Variants in FMN1 observed in about 807,000 individuals in gnomAD.
FMN1 encodes the protein formin-1.
A neutral mutation model predicts 132.4 loss-of-function variants in FMN1; 110 were observed. The ratio of observed to expected loss-of-function variants is 0.83; its 90% CI spans 0.71 to 0.97. FMN1 has a LOEUF of 0.97. Among genes scored for constraint, FMN1 ranks in the 50% least tolerant of loss-of-function variants. The pLI is 0.00. For synonymous variants in FMN1, 722 were observed against 651.7 expected (o/e 1.11, Z -1.64); for missense variants, 1,792 against 1,705.3 (o/e 1.05, Z -0.90).
intron 4 of FMN1, among the ~76,000 whole-genome samples, chr15:33,115,708 C>G (rs998129583): frequency 6.6e-6 from 1 of 152,092 alleles, no homozygotes; most frequent in African/African-American, 2.4e-5. Flanking sequence ...TCTTCCTCAC[C>G]CTTCCTGCCT....
chr15:33,000,524 C>G (rs1360321166), intron 7 of FMN1, among the ~76,000 whole-genome samples: 1 of 151,098 alleles, frequency 6.6e-6, no homozygotes, highest in East Asian at 1.9e-4. Flanking sequence ...CACCTGTAAC[C>G]CCAACATTTG....
chr15:32,967,930 C>T (rs2140642695), intron 8 of FMN1, among the ~76,000 whole-genome samples: 1 of 152,358 alleles, frequency 6.6e-6, no homozygotes, highest in South Asian at 2.1e-4. Context: ...GGTCAAGAGA[C>T]AACTTAAGAT....
At chr15:33,000,725 A>G (rs2034053889) in intron 7 of FMN1, among the ~76,000 whole-genome samples, 1 of 152,206 alleles carries the variant, frequency 6.6e-6, no homozygotes, top group African/African-American at 2.4e-5. Flanking sequence ...ATCCCAAACA[A>G]TGGGTTTCTT....
At chr15:32,900,867 G>C (rs1166416172) in intron 13 of FMN1, among the ~76,000 whole-genome samples, 1 of 152,012 alleles carries the variant, frequency 6.6e-6, no homozygotes, top group Non-Finnish European at 1.5e-5. Context: ...GGTAAAAAAA[G>C]TAATGGCTGG....
At chr15:33,178,106 T>C (rs958980620) in intron 3 of FMN1, among the ~76,000 whole-genome samples, 4 of 152,228 alleles carry the variant, frequency 2.6e-5, no homozygotes, top group African/African-American at 9.6e-5. Context: ...AAATGAAGTG[T>C]CAAAAATAAG....
chr15:32,992,813 G>A (rs1354610302), intron 7 of FMN1, among the ~76,000 whole-genome samples: 3 of 152,088 alleles, frequency 2.0e-5, no homozygotes, highest in Admixed American at 6.6e-5. Flanking sequence ...AATCAATAGT[G>A]GGTCATAAAA....
At chr15:33,043,791 T>C (rs1228682833) in intron 6 of FMN1, among the ~76,000 whole-genome samples, 1 of 152,164 alleles carries the variant, frequency 6.6e-6, no homozygotes, top group Non-Finnish European at 1.5e-5. Context: ...CCACCCCTTC[T>C]AAGTTGGCAG....
In FMN1 at chr15:32,769,520, G is replaced by A. The variant is rs1372627838; in HGVS notation, c.*4790C>T. 6.6e-6 allele frequency: 1 copy of A among 152,194 alleles called. No homozygotes were observed. The highest frequency in any genetic ancestry group is 1.5e-5 in the Non-Finnish European group (1 of 68,042). The allele number at this position is 152,194 out of a possible 1,614,324, so 9.4% of individuals were successfully genotyped here. Reference sequence around the variant, plus strand: ...TGGATTCAATTGCTAATGGAGAGATGAATATCATTATGTAAGTCTAAAGAA... The same window carrying A: ...TGGATTCAATTGCTAATGGAGAGATAAATATCATTATGTAAGTCTAAAGAA... On this transcript the variant is annotated 3_prime_UTR_variant, in exon 21 of 21. Coordinates refer to ENST00000616417, the MANE Select transcript of FMN1 (RefSeq NM_001277313.2).
intron 4 of FMN1, among the ~76,000 whole-genome samples, chr15:33,126,577 C>A (rs991190254): frequency 6.6e-6 from 1 of 151,988 alleles, no homozygotes; most frequent in Non-Finnish European, 1.5e-5. Context: ...CTTAGCACTT[C>A]TGCCCATTCT....
At chr15:32,988,111 G>C (rs1026772305) in intron 7 of FMN1, among the ~76,000 whole-genome samples, 4 of 143,322 alleles carry the variant, frequency 2.8e-5, no homozygotes, top group African/African-American at 1.0e-4. Flanking sequence ...CAGGGAGTGA[G>C]TGATGCTGTT....
Position 32,857,090 on chromosome 15 carries a change from C to A in FMN1, c.3853G>T (p.Val1285Leu). The change falls in exon 17 of 21, where the codon GTG becomes TTG. Residue 1285 changes from valine to leucine, a missense_variant. By Grantham distance (32) the Val-to-Leu change is conservative. Coordinates refer to ENST00000616417, the MANE Select transcript of FMN1 (RefSeq NM_001277313.2). Reference sequence around the variant, plus strand: ...TTTGGGGACTCCTTGCACACCACCACCATCTGTTTCTCACTTGCTGTGAAG... The same window carrying A: ...TTTGGGGACTCCTTGCACACCACCAACATCTGTTTCTCACTTGCTGTGAAG... The part of the protein sequence containing the change: ...RQLEASEKQM[V>L]VVCKESPKEY... The A allele has an allele frequency of 6.2e-7, 1 of 1,613,484 alleles. No individual in the cohort carries two copies. The highest frequency in any genetic ancestry group is 8.5e-7 in the Non-Finnish European group (1 of 1,179,410).
At chr15:33,010,775 G>C (rs2034670985) in intron 6 of FMN1, among the ~76,000 whole-genome samples, 1 of 151,698 alleles carries the variant, frequency 6.6e-6, no homozygotes, top group Non-Finnish European at 1.5e-5. Context: ...CATAGTAGCA[G>C]TTTAAAAAAG....
chr15:32,886,946 T>C (rs922973023), intron 16 of FMN1, among the ~76,000 whole-genome samples: 1 of 152,210 alleles, frequency 6.6e-6, no homozygotes, highest in Non-Finnish European at 1.5e-5. Flanking sequence ...ACATATCGCA[T>C]TTCTAAAGGA....
chr15:33,036,036 A>C (rs1039666301), intron 6 of FMN1, among the ~76,000 whole-genome samples: 6 of 152,198 alleles, frequency 3.9e-5, no homozygotes, highest in Admixed American at 1.3e-4. Flanking sequence ...CTCAGCAAGA[A>C]GGCTCTTACC....
In FMN1 at chr15:32,765,839, C is replaced by CAG. The variant is rs1402367131; in HGVS notation, c.*8469_*8470dup. On this transcript the variant is annotated 3_prime_UTR_variant, in exon 21 of 21. Coordinates refer to ENST00000616417, the MANE Select transcript of FMN1 (RefSeq NM_001277313.2). ...ACACACATTTTTATTATGTACAAAT[C>CAG]AGTGTTGGTTCCTTCACTCTCTTTT... 1 of 152,058 alleles carries CAG rather than the reference C, an allele frequency of 6.6e-6. No individual in the cohort carries two copies. The highest frequency in any genetic ancestry group is 2.4e-5 in the African/African-American group (1 of 41,400). 9.4% of individuals were successfully genotyped at this position (152,058 alleles called of 1,614,324 possible).
chr15:32,798,847 T>G lies in FMN1; in HGVS notation c.4087A>C (p.Lys1363Gln). The part of the protein sequence containing the change: ...MVWYEFCSDF[K>Q]TIWKRESKNI... ...TTACTCTCCCGTTTCCAAATTGTCT[T>G]GAAGTCACTGCAGAACTCATACCAC... The change falls in exon 19 of 21, where the codon AAG (lysine) becomes CAG (glutamine). Residue 1363 changes from lysine to glutamine, a missense_variant. This residue lies in a region of FMN1 where 1,150 missense variants were observed against 1,043.1 expected (regional missense o/e 1.10). Transcript: ENST00000616417. 6.2e-7 allele frequency: 1 copy of G among 1,613,802 alleles called. No individual in the cohort carries two copies. The highest frequency in any genetic ancestry group is 1.1e-5 in the South Asian group (1 of 90,984).
intron 6 of FMN1, among the ~76,000 whole-genome samples, chr15:33,023,072 AAAAAAG>A (rs1290955510): frequency 3.8e-5 from 3 of 78,100 alleles, no homozygotes; most frequent in African/African-American, 8.4e-5. Flanking sequence ...AAAAAAAAAA[AAAAAAG>A]AAAAAAAAGA....
At chr15:32,870,895 C>T (rs1269507348) in intron 16 of FMN1, among the ~76,000 whole-genome samples, 4 of 152,020 alleles carry the variant, frequency 2.6e-5, no homozygotes, top group African/African-American at 7.3e-5. Context: ...CATATGTATT[C>T]GTTGAAAAAG....
At chr15:32,803,818 T>C (rs2141002837) in intron 18 of FMN1, among the ~76,000 whole-genome samples, 1 of 152,280 alleles carries the variant, frequency 6.6e-6, no homozygotes, top group Non-Finnish European at 1.5e-5. Context: ...GGCAGAATAG[T>C]GTCATGACAC....
Sources: allele counts gnomAD v4.1 joint callset (sites outside exome capture counted in the v4.1 genomes callset), GRCh38; gene constraint gnomAD v4.1.1; regional missense constraint gnomAD v4.1.1; transcripts MANE v1.5; gene names NCBI Gene and HGNC (gene_info 2026-07-23, HGNC 2026-07-21).